ITPRID1: variants seen among roughly 807,000 people sequenced by gnomAD.
ITPRID1 encodes ITPR interacting domain containing 1, also known as protein ITPRID1.
Under a neutral mutation model 95.4 loss-of-function variants are expected in ITPRID1, and 96 were observed. The observed-to-expected ratio is 1.01, with a 90% confidence interval of 0.85 to 1.19. ITPRID1 has a LOEUF of 1.19. Ranked by LOEUF, ITPRID1 falls within the 50% of genes most tolerant of loss-of-function variation. ITPRID1 has a pLI of 0.00. For missense variants in ITPRID1, 1,339 were observed against 1,252.9 expected (o/e 1.07, Z -1.04); for synonymous variants, 510 against 453.6 (o/e 1.12, Z -1.58).
intron 1 of ITPRID1, among the ~76,000 whole-genome samples, chr7:31,546,860 A>T (rs999001020): frequency 2.6e-5 from 4 of 152,092 alleles, no homozygotes; most frequent in African/African-American, 9.7e-5. Context: ...AGCCACACTC[A>T]TATAGGGAGG....
At chr7:31,529,455 T>C (rs1407535009) in intron 1 of ITPRID1, 1 of 327,348 alleles carries the variant, frequency 3.1e-6, no homozygotes, top group Non-Finnish European at 5.6e-6. Flanking sequence ...CGGAAACCAT[T>C]GTATTCATTC....
intron 10 of ITPRID1, among the ~76,000 whole-genome samples, chr7:31,630,735 C>T (rs963553558): frequency 2.4e-4 from 36 of 151,730 alleles, no homozygotes; most frequent in African/African-American, 8.5e-4. Flanking sequence ...AAGAAAAAGA[C>T]TCAAAAGGTC....
Position 31,642,836 on chromosome 7 carries a change from A to G in ITPRID1, c.1466A>G (p.Glu489Gly). 3 of 1,613,870 alleles carry G rather than the reference A, an allele frequency of 1.9e-6. No individual in the cohort carries two copies. Among genetic ancestry groups the G allele is most frequent in the Non-Finnish European group, 2.5e-6 (3 of 1,179,812 alleles). ...GCGAGCATGTCTTTTTCAAGCCAAG[A>G]AGCGAATGCCTTGGAACAAAGGGCC... is the stretch of plus-strand genomic sequence containing the variant. ...SRASMSFSSQ[E>G]ANALEQRASV... The change falls in exon 12 of 15, where the codon GAA becomes GGA. Residue 489 changes from glutamate to glycine, a missense_variant. By Grantham distance (98) the Glu-to-Gly change is moderately conservative (BLOSUM62 -2). Coordinates refer to ENST00000615280, the MANE Select transcript of ITPRID1 (RefSeq NM_001257967.3).
At chr7:31,648,450 G>T (rs1790674236) in intron 12 of ITPRID1, among the ~76,000 whole-genome samples, 1 of 151,710 alleles carries the variant, frequency 6.6e-6, no homozygotes. Context: ...TTATTCTAGG[G>T]CTAAAATGTG....
intron 2 of ITPRID1, among the ~76,000 whole-genome samples, chr7:31,552,774 C>CA (rs2128136457): frequency 6.6e-6 from 1 of 152,324 alleles, no homozygotes; most frequent in African/African-American, 2.4e-5. Flanking sequence ...TGATGACTGG[C>CA]ATGGCCACTT....
intron 1 of ITPRID1, among the ~76,000 whole-genome samples, chr7:31,533,678 T>C (rs1012860666): frequency 7.9e-5 from 12 of 152,210 alleles, no homozygotes; most frequent in Non-Finnish European, 1.5e-5. Flanking sequence ...ATCTTTTAGT[T>C]CAAATATTTT....
Position 31,652,975 on chromosome 7 carries a change from G to C in ITPRID1, c.*146G>C. The C allele has an allele frequency of 6.9e-7, 1 of 1,447,590 alleles. No homozygotes were observed. The highest frequency in any genetic ancestry group is 9.1e-7 in the Non-Finnish European group (1 of 1,104,058). The allele number at this position is 1,447,590 out of a possible 1,614,324, so 89.7% of individuals were successfully genotyped here. On this transcript the variant is annotated 3_prime_UTR_variant, in exon 15 of 15. Coordinates refer to ENST00000615280, the MANE Select transcript of ITPRID1 (RefSeq NM_001257967.3). Reference sequence around the variant, plus strand: ...TATTCTACCCTTTGGTTAAACCCAAGAGGAGTTTAGAATACTCTAATACTC... The same window carrying C: ...TATTCTACCCTTTGGTTAAACCCAACAGGAGTTTAGAATACTCTAATACTC...
At chr7:31,625,699 C>T (rs1180715353) in intron 10 of ITPRID1, among the ~76,000 whole-genome samples, 2 of 151,890 alleles carry the variant, frequency 1.3e-5, no homozygotes, top group African/African-American at 2.4e-5. Context: ...GTGCAGCGCA[C>T]CAACATGTCA....
At chr7:31,605,558 A>T (rs1250723440) in intron 10 of ITPRID1, among the ~76,000 whole-genome samples, 1 of 152,228 alleles carries the variant, frequency 6.6e-6, no homozygotes, top group Non-Finnish European at 1.5e-5. Flanking sequence ...GGAAGATCCT[A>T]GTTCTTGTCT....
At chr7:31,609,552 T>G (rs1407292563) in intron 10 of ITPRID1, among the ~76,000 whole-genome samples, 1 of 151,578 alleles carries the variant, frequency 6.6e-6, no homozygotes, top group Non-Finnish European at 1.5e-5. Context: ...TTTCTAGAAA[T>G]GTATCCATCT....
At chr7:31,519,620 C>CTCTCTCTCTCCATATATATA in intron 1 of ITPRID1, among the ~76,000 whole-genome samples, 11 of 25,268 alleles carry the variant, frequency 4.4e-4, no homozygotes, top group South Asian at 2.1e-3. Flanking sequence ...CTCTCTCTCT[C>CTCTCTCTCTCCATATATATA]TATATATATA....
At chr7:31,538,985 A>C (rs1783846893) in intron 1 of ITPRID1, among the ~76,000 whole-genome samples, 1 of 152,152 alleles carries the variant, frequency 6.6e-6, no homozygotes. Flanking sequence ...TAACTCCGTC[A>C]TTCTTTTTAC....
At chr7:31,642,382 C>A in intron 11 of ITPRID1, 124 bp downstream of exon 11, 5 of 719,654 alleles carry the variant, frequency 6.9e-6, no homozygotes, top group Non-Finnish European at 1.1e-5. Context: ...TTAAATCAAG[C>A]CACAATTGGA....
At chr7:31,602,874 A>C (rs2391992) in intron 10 of ITPRID1, among the ~76,000 whole-genome samples, 1 of 149,142 alleles carries the variant, frequency 6.7e-6, no homozygotes, top group African/African-American at 2.5e-5. Context: ...TACCCCCTGC[A>C]TCTCCCCACC....
At chr7:31,565,417 G>A (rs1784764107) in intron 5 of ITPRID1, among the ~76,000 whole-genome samples, 1 of 152,132 alleles carries the variant, frequency 6.6e-6, no homozygotes, top group Non-Finnish European at 1.5e-5. Flanking sequence ...ACAGACACTT[G>A]TATCATTTGA....
intron 1 of ITPRID1, among the ~76,000 whole-genome samples, chr7:31,523,055 A>C (rs1237312104): frequency 1.3e-5 from 2 of 152,128 alleles, no homozygotes; most frequent in Non-Finnish European, 2.9e-5. Flanking sequence ...GGCTAATGTA[A>C]GTTTTAAATG....
chr7:31,597,614 T>C (rs1340220892), intron 10 of ITPRID1, among the ~76,000 whole-genome samples: 2 of 152,070 alleles, frequency 1.3e-5, no homozygotes, highest in South Asian at 2.1e-4. Context: ...TTATAAATAT[T>C]ACTATGTCTT....
chr7:31,561,578 G>C (rs1784624784), intron 5 of ITPRID1, among the ~76,000 whole-genome samples: 1 of 152,204 alleles, frequency 6.6e-6, no homozygotes, highest in Non-Finnish European at 1.5e-5. Flanking sequence ...TTGGACAGCT[G>C]CCGTTGCTGC....
chr7:31,578,395 T>A lies in ITPRID1; in HGVS notation c.1131T>A (p.His377Gln). ...FQTNKLKSLS[H>Q]LAGKGPDSFE... ...CTAACAAGCTCAAGAGCTTGTCTCA[T>A]CTTGCAGGCAAAGGACCAGACTCAT... Residue 377 changes from histidine to glutamine, a missense_variant, in exon 9 of 15, where the codon CAT becomes CAA. By Grantham distance (24) the His-to-Gln change is conservative. Coordinates refer to ENST00000615280, the MANE Select transcript of ITPRID1 (RefSeq NM_001257967.3). 6.2e-7 allele frequency: 1 copy of A among 1,612,342 alleles called. No homozygotes were observed. Among genetic ancestry groups the A allele is most frequent in the Non-Finnish European group, 8.5e-7 (1 of 1,179,040 alleles).
Sources: allele counts gnomAD v4.1 joint callset (sites outside exome capture counted in the v4.1 genomes callset), GRCh38; gene constraint gnomAD v4.1.1; transcripts MANE v1.5; gene names NCBI Gene and HGNC (gene_info 2026-07-23, HGNC 2026-07-21).